The following ZNF587 variants were observed in gnomAD, a reference collection of about 807,000 sequenced individuals.
The protein encoded by ZNF587 is zinc finger protein 587, also known as zinc finger protein zfp6.
Under a neutral mutation model 7.5 loss-of-function variants are expected in ZNF587, and 8 were observed. The observed-to-expected ratio is 1.06, with a 90% CI of 0.62 to 1.92. ZNF587 has a LOEUF of 1.92. ZNF587 is among the 40% of genes most tolerant of loss of function. ZNF587 has a pLI of 0.00. For synonymous variants in ZNF587, 145 were observed against 237.8 expected (o/e 0.61, Z 3.59); for missense variants, 468 against 692.8 (o/e 0.68, Z 3.64).
In ZNF587 at chr19:57,850,017, C is replaced by G. The variant is rs772512985; in HGVS notation, c.-22C>G. The G allele has an allele frequency of 1.9e-6, 3 of 1,614,210 alleles. No individual in the cohort carries two copies. Among genetic ancestry groups the G allele is most frequent in the Admixed American group, 3.3e-5 (2 of 60,032 alleles). ...CGTGACGGCGACCACTGCTCCCGGG[C>G]CGTGCTTCCCCAAGTAGTCCGATGG... On this transcript the variant is annotated 5_prime_UTR_variant, in exon 1 of 3. Coordinates refer to ENST00000339656, the MANE Select transcript of ZNF587 (RefSeq NM_032828.4).
Position 57,850,073 on chromosome 19 carries a change from T to C in ZNF587, c.33+2T>C. The C allele has an allele frequency of 6.2e-7, 1 of 1,614,224 alleles. No homozygotes were observed. The highest frequency in any genetic ancestry group is 8.5e-7 in the Non-Finnish European group (1 of 1,180,050). On this transcript the variant is annotated splice_donor_variant, in intron 1 of 2. Transcript: ENST00000339656. LOFTEE classifies it high-confidence loss of function. Reference sequence around the variant, plus strand: ...GCTGTGCCGAGGCGCCCAACTCAGGTAATTGTGGTGCCTTCTGTGCCCTCA... The same window carrying C: ...GCTGTGCCGAGGCGCCCAACTCAGGCAATTGTGGTGCCTTCTGTGCCCTCA...
Position 57,850,043 on chromosome 19 carries a change from C to A in ZNF587, c.5C>A (p.Ala2Glu), listed in dbSNP as rs754524408. Residue 2 changes from alanine to glutamate, a missense_variant, in exon 1 of 3, where the codon GCA (alanine) becomes GAA (glutamate). Ala to Glu is a moderately radical substitution (Grantham distance 107). Around this residue, in one of 5 missense-constraint regions of ZNF587, gnomAD observed 92 missense variants for 89.7 expected, o/e 1.03. Coordinates refer to ENST00000339656, the MANE Select transcript of ZNF587 (RefSeq NM_032828.4). The part of the protein sequence containing the change: M[A>E]AAVPRRPTQQ... Reference sequence around the variant, plus strand: ...CGTGCTTCCCCAAGTAGTCCGATGGCAGCGGCTGTGCCGAGGCGCCCAACT... The same window carrying A: ...CGTGCTTCCCCAAGTAGTCCGATGGAAGCGGCTGTGCCGAGGCGCCCAACT... The A allele has an allele frequency of 6.2e-7, 1 of 1,614,252 alleles. No individual in the cohort carries two copies. Among genetic ancestry groups the A allele is most frequent in the South Asian group, 1.1e-5 (1 of 91,090 alleles).
At chr19:57,852,840 CTTTTTTTTTTTTTTTTTT>C (rs35543941) in intron 1 of ZNF587, among the ~76,000 whole-genome samples, 2 of 25,284 alleles carry the variant, frequency 7.9e-5, no homozygotes, top group Non-Finnish European at 1.4e-4. Flanking sequence ...GACAGCTAGG[CTTTTTTTTTTTTTTTTTT>C]TTTTTTTTTT....
chr19:57,860,249 GA>G lies in ZNF587; in HGVS notation c.*111del. 1 of 1,590,618 alleles carries G rather than the reference GA, an allele frequency of 6.3e-7. No homozygotes were observed. The highest frequency in any genetic ancestry group is 1.3e-5 in the African/African-American group (1 of 74,294). Reference sequence around the variant, plus strand: ...AGTGCTGTCAATGTGGAAAACATCAGAATGTCTGCTGTCCTCGGTCTTAAGC... The same window carrying G: ...AGTGCTGTCAATGTGGAAAACATCAGATGTCTGCTGTCCTCGGTCTTAAGC... On this transcript the variant is annotated 3_prime_UTR_variant, in exon 3 of 3. Transcript: ENST00000339656.
In ZNF587 at chr19:57,859,929, C is replaced by G. The variant is rs369252362; in HGVS notation, c.1517C>G (p.Ala506Gly). 1 of 1,613,992 alleles carries G rather than the reference C, an allele frequency of 6.2e-7. No homozygotes were observed. Among genetic ancestry groups the G allele is most frequent in the Non-Finnish European group, 8.5e-7 (1 of 1,180,004 alleles). ...GGGAAATCATTTCTTTCCAGCTCTGCGCTTCATGTTCATAAAAGAGTTCAT... is the reference window on the plus strand; with the variant it reads ...GGGAAATCATTTCTTTCCAGCTCTGGGCTTCATGTTCATAAAAGAGTTCAT... ...ECGKSFLSSS[A>G]LHVHKRVHSG... The change falls in exon 3 of 3, where the codon GCG (alanine) becomes GGG (glycine). Residue 506 changes from alanine to glycine, a missense_variant. Physicochemically the swap from Ala to Gly is moderately conservative, Grantham distance 60. Around this residue, in one of 5 missense-constraint regions of ZNF587, gnomAD observed 310 missense variants for 325.6 expected, o/e 0.95. Coordinates refer to ENST00000339656, the MANE Select transcript of ZNF587 (RefSeq NM_032828.4).
rs1177043002 is a variant in ZNF587 at position 57,863,102 on chromosome 19, C to T, written c.*2962C>T. ...GAGTAGCTGGGACCACAAGCGCCCA[C>T]CACGTCAGCTTAATTTTTTTGTTTT... On this transcript the variant is annotated 3_prime_UTR_variant, in exon 3 of 3. Coordinates refer to ENST00000339656, the MANE Select transcript of ZNF587 (RefSeq NM_032828.4). 6.5e-6 allele frequency: 1 copy of T among 152,762 alleles called. No homozygotes were observed. Among genetic ancestry groups the T allele is most frequent in the African/African-American group, 2.4e-5 (1 of 41,432 alleles). 9.5% of individuals were successfully genotyped at this position (152,762 alleles called of 1,614,324 possible).
Position 57,861,773 on chromosome 19 carries a change from C to CTTTTTTTTTTTTTGTTTTTTTTTTT in ZNF587, c.*1646_*1647insGTTTTTTTTTTTTTTTTTTTTTTTT. On this transcript the variant is annotated 3_prime_UTR_variant, in exon 3 of 3. Coordinates refer to ENST00000339656, the MANE Select transcript of ZNF587 (RefSeq NM_032828.4). ...TTTGCTGCAAGGAATATTTGGTTTT[C>CTTTTTTTTTTTTTGTTTTTTTTTTT]TTTTTTTTTTTTTTTTCCAGATGGA... 8.4e-6 allele frequency: 1 copy of CTTTTTTTTTTTTTGTTTTTTTTTTT among 119,288 alleles called. No homozygotes were observed. Among genetic ancestry groups the CTTTTTTTTTTTTTGTTTTTTTTTTT allele is most frequent in the African/African-American group, 3.4e-5 (1 of 29,268 alleles). The allele number at this position is 119,288 out of a possible 1,614,324, so 7.4% of individuals were successfully genotyped here. A position where few individuals can be genotyped will look rare whatever the true frequency, so the allele number is the denominator to read the frequency against.
chr19:57,856,148 G>A lies in ZNF587; in HGVS notation c.78G>A (p.Gln26=), dbSNP rs2071352391. The change falls in exon 2 of 3, where the codon CAG becomes CAA. Residue 26 remains glutamine (Q), a synonymous_variant. Transcript: ENST00000339656. Reference sequence around the variant, plus strand: ...AAGATGTGGCTGTGAACTTTTCCCAGGAGGAGTGGTGTCTTCTTAGTGAGG... The same window carrying A: ...AAGATGTGGCTGTGAACTTTTCCCAAGAGGAGTGGTGTCTTCTTAGTGAGG... ...TFEDVAVNFS[Q]EEWCLLSEAQ... 1 of 1,612,896 alleles carries A rather than the reference G, an allele frequency of 6.2e-7. No individual in the cohort carries two copies.
rs568325237 is a variant in ZNF587 at position 57,856,564 on chromosome 19, C to T, written c.163+331C>T. 2.5e-3 allele frequency among the ~76,000 whole-genome samples: 387 copies of T among 152,058 alleles called. 4 individuals carry two copies. The highest frequency in any genetic ancestry group is 9.0e-3 in the African/African-American group (374 of 41,384). ...CTGGGACTACAGGCGACTACCACCACGCCTGGCTAATTTTTTTTGTTTTTT... is the reference window on the plus strand; with the variant it reads ...CTGGGACTACAGGCGACTACCACCATGCCTGGCTAATTTTTTTTGTTTTTT... On this transcript the variant is annotated intron_variant, in intron 2 of 2. Transcript: ENST00000339656.
In ZNF587 at chr19:57,849,894, CCA is replaced by C. The variant is rs1345249023; in HGVS notation, c.-144_-143del. On this transcript the variant is annotated 5_prime_UTR_variant, in exon 1 of 3. The change creates a premature stop within an existing upstream ORF in the 5' untranslated region. Coordinates refer to ENST00000339656, the MANE Select transcript of ZNF587 (RefSeq NM_032828.4). ...GTGTATCGGCGATGCGGGTGTTTCC[CCA>C]GTTTGTGGCCCCTGAGTGCTGGGTG... 5.2e-6 allele frequency: 8 copies of C among 1,533,582 alleles called. No individual in the cohort carries two copies. Among genetic ancestry groups the C allele is most frequent in the Admixed American group, 4.2e-5 (2 of 47,514 alleles). The allele number at this position is 1,533,582 out of a possible 1,614,324, so 95.0% of individuals were successfully genotyped here. A position where few individuals can be genotyped will look rare whatever the true frequency, so the allele number is the denominator to read the frequency against.
Position 57,865,089 on chromosome 19 carries a change from AAT to A in ZNF587, c.*4954_*4955del, listed in dbSNP as rs1341563699. 2 of 152,158 alleles carry A rather than the reference AAT, an allele frequency of 1.3e-5. No individual in the cohort carries two copies. Among genetic ancestry groups the A allele is most frequent in the African/African-American group, 2.4e-5 (1 of 41,440 alleles). 9.4% of individuals were successfully genotyped at this position (152,158 alleles called of 1,614,324 possible). ...AATCTTCCTGCTTGTATGTGAATTA[AAT>A]ATATGTCAAACTTTTTTTGTACAAA... On this transcript the variant is annotated 3_prime_UTR_variant, in exon 3 of 3. Coordinates refer to ENST00000339656, the MANE Select transcript of ZNF587 (RefSeq NM_032828.4).
intron 1 of ZNF587, chr19:57,850,714 T>A (rs1178684457): frequency 2.5e-6 from 1 of 396,542 alleles, no homozygotes; most frequent in East Asian, 3.6e-5. Flanking sequence ...CATTGGAGGC[T>A]TCCTGGCGGC....
intron 1 of ZNF587, chr19:57,852,117 G>C (rs1401140017): frequency 2.7e-6 from 1 of 374,324 alleles, no homozygotes; most frequent in East Asian, 3.8e-5. Flanking sequence ...TCTCTAGCTT[G>C]TGGTGTCCTG....
At chr19:57,856,515 C>T (rs934959955) in intron 2 of ZNF587, among the ~76,000 whole-genome samples, 3 of 151,702 alleles carry the variant, frequency 2.0e-5, no homozygotes, top group African/African-American at 7.3e-5. Flanking sequence ...TCATGCCGTT[C>T]TCCTGCCTCA....
intron 1 of ZNF587, chr19:57,852,243 C>T: frequency 2.5e-6 from 1 of 397,786 alleles, no homozygotes; most frequent in Non-Finnish European, 4.4e-6. Context: ...TTCTGTCAAC[C>T]AATGTAAACA....
In ZNF587 at chr19:57,864,946, T is replaced by C. The variant is rs2071489358; in HGVS notation, c.*4806T>C. 1 of 152,176 alleles carries C rather than the reference T, an allele frequency of 6.6e-6. No homozygotes were observed. The highest frequency in any genetic ancestry group is 1.5e-5 in the Non-Finnish European group (1 of 68,038). 9.4% of individuals were successfully genotyped at this position (152,176 alleles called of 1,614,324 possible). A position where few individuals can be genotyped will look rare whatever the true frequency, so the allele number is the denominator to read the frequency against. On this transcript the variant is annotated 3_prime_UTR_variant, in exon 3 of 3. Coordinates refer to ENST00000339656, the MANE Select transcript of ZNF587 (RefSeq NM_032828.4). ...TGCCTCAAAAAAAACAAAAAAATTCTTTATTTTCTCCATAAACTACAGTTT... is the reference window on the plus strand; with the variant it reads ...TGCCTCAAAAAAAACAAAAAAATTCCTTATTTTCTCCATAAACTACAGTTT...
Position 57,853,861 on chromosome 19 carries a change from T to G in ZNF587, c.34-2243T>G, listed in dbSNP as rs576854271. On this transcript the variant is annotated intron_variant, in intron 1 of 2. Coordinates refer to ENST00000339656, the MANE Select transcript of ZNF587 (RefSeq NM_032828.4). ...ACCTCCACCTCCTGGGTTCAAGCAATTCTCCTGCCTCAGCCTCCCAAGTAG... is the reference window on the plus strand; with the variant it reads ...ACCTCCACCTCCTGGGTTCAAGCAAGTCTCCTGCCTCAGCCTCCCAAGTAG... 4.7e-3 allele frequency: 714 copies of G among 151,034 alleles called. 3 individuals carry two copies. Among genetic ancestry groups the G allele is most frequent in the Non-Finnish European group, 7.2e-3 (486 of 67,866 alleles). The allele number at this position is 151,034 out of a possible 1,614,324, so 9.4% of individuals were successfully genotyped here. A position where few individuals can be genotyped will look rare whatever the true frequency, so the allele number is the denominator to read the frequency against.
At position 57,857,316 on chromosome 19, in the gene ZNF587, A is replaced by G. The variant is rs982052305; in HGVS notation, c.163+1083A>G. The G allele has an allele frequency of 9.9e-5, 15 of 152,220 alleles. 1 individual carries two copies. The highest frequency in any genetic ancestry group is 9.8e-4 in the Admixed American group (15 of 15,274). 9.4% of individuals were successfully genotyped at this position (152,220 alleles called of 1,614,324 possible). A position where few individuals can be genotyped will look rare whatever the true frequency, so the allele number is the denominator to read the frequency against. ...TTTGGGGCAATATGAGTAGGCACAC[A>G]CTATTTGTCTTTTTCTCCCCATTGT... On this transcript the variant is annotated intron_variant, in intron 2 of 2. Transcript: ENST00000339656.
intron 1 of ZNF587, 151 bp downstream of exon 1, chr19:57,850,222 C>T: frequency 2.1e-6 from 3 of 1,432,874 alleles, no homozygotes; most frequent in East Asian, 2.4e-5. Flanking sequence ...TGTAACCGTC[C>T]AGTGGGTTCA....
Sources: allele counts gnomAD v4.1 joint callset (sites outside exome capture counted in the v4.1 genomes callset), GRCh38; gene constraint gnomAD v4.1.1; regional missense constraint gnomAD v4.1.1; transcripts MANE v1.5; gene names NCBI Gene and HGNC (gene_info 2026-07-23, HGNC 2026-07-21).